NSD1: variants seen among roughly 807,000 people sequenced by gnomAD.
NSD1 encodes the protein histone-lysine N-methyltransferase, H3 lysine-36 specific.
NSD1 carries 26 observed loss-of-function variants against 242.7 expected under a neutral mutation model. That is an observed-to-expected ratio of 0.11 (90% confidence interval 0.08 to 0.15). The LOEUF (loss-of-function observed/expected upper bound fraction) is 0.15. Ranked by LOEUF, NSD1 falls within the 10% of genes least tolerant of loss-of-function variation. NSD1 has a pLI of 1.00. For missense variants in NSD1, 2,495 were observed against 3,272.8 expected, an observed-to-expected ratio of 0.76 and a Z score of 5.80; for synonymous variants, 1,106 against 1,178.1, an observed-to-expected ratio of 0.94 and a Z score of 1.25.
At chr5:177,223,931 A>G (rs1190092693) in intron 5 of NSD1, among the ~76,000 whole-genome samples, 1 of 152,250 alleles carries the variant, frequency 6.6e-6, no homozygotes, top group Non-Finnish European at 1.5e-5. Context: ...GGTTACAATG[A>G]GCTGAGATCA....
At chr5:177,283,477 C>T (rs1759057844) in intron 19 of NSD1, among the ~76,000 whole-genome samples, 1 of 152,178 alleles carries the variant, frequency 6.6e-6, no homozygotes, top group Admixed American at 6.5e-5. Flanking sequence ...GGGCAGTGGT[C>T]CTCAAACTTC....
At chr5:177,161,680 C>CTTTTTTTTTTTTTTT (rs57657595) in intron 2 of NSD1, among the ~76,000 whole-genome samples, 11 of 135,232 alleles carry the variant, frequency 8.1e-5, no homozygotes, top group Non-Finnish European at 1.4e-4. Flanking sequence ...TTCTTTCTTT[C>CTTTTTTTTTTTTTTT]TTTTTTTTTT....
intron 3 of NSD1, among the ~76,000 whole-genome samples, chr5:177,197,907 A>T (rs1762225345): frequency 6.6e-6 from 1 of 152,178 alleles, no homozygotes; most frequent in Non-Finnish European, 1.5e-5. Context: ...GATTGGACTG[A>T]TTTGAGGCAA....
Position 177,254,033 on chromosome 5 carries a change from C to T in NSD1, c.4765+2180C>T, listed in dbSNP as rs182125660. Among the ~76,000 whole-genome samples, 23 of 152,224 alleles carry T rather than the reference C, an allele frequency of 1.5e-4. No individual in the cohort carries two copies. In the East Asian group the frequency reaches 3.5e-3, roughly 23 times the overall value. On this transcript the variant is annotated intron_variant, in intron 12 of 22. Transcript: ENST00000439151. ...GCAATGGCGCAGTCTCGGCAACCTC[C>T]GCCTCCTGGGTTCAAGCAAGTCTCC...
chr5:177,213,235 A>G (rs1452140115), intron 5 of NSD1, among the ~76,000 whole-genome samples: 3 of 152,212 alleles, frequency 2.0e-5, no homozygotes, highest in Non-Finnish European at 4.4e-5. Flanking sequence ...TCTTTTTTAC[A>G]GCAATATCCA....
At position 177,292,086 on chromosome 5, in the gene NSD1, G is replaced by A. The variant is rs778896589; in HGVS notation, c.6391G>A (p.Val2131Ile). ...TAGTTGTGGGGATGCTGGCCAGCTCGTCTCCTGCAAGAAACCAGGCTGCCC... is the reference window on the plus strand; with the variant it reads ...TAGTTGTGGGGATGCTGGCCAGCTCATCTCCTGCAAGAAACCAGGCTGCCC... ...CFSCGDAGQL[V>I]SCKKPGCPKV... The change falls in exon 22 of 23, where the codon GTC (valine) becomes ATC (isoleucine). Residue 2131 changes from valine (V) to isoleucine (I), a missense_variant. By Grantham distance (29) the Val-to-Ile change is conservative. Coordinates refer to ENST00000439151, the MANE Select transcript of NSD1 (RefSeq NM_022455.5). 13 of 1,614,052 alleles carry A rather than the reference G, an allele frequency of 8.1e-6. No homozygotes were observed. Among genetic ancestry groups the A allele is most frequent in the Admixed American group, 5.0e-5 (3 of 60,000 alleles).
intron 14 of NSD1, among the ~76,000 whole-genome samples, chr5:177,263,732 A>AT (rs1757178030): frequency 6.6e-6 from 1 of 152,192 alleles, no homozygotes; most frequent in African/African-American, 2.4e-5. Context: ...ACCGTTTTTA[A>AT]TTGTAAGAGT....
chr5:177,207,184 C>T (rs1353263171), intron 4 of NSD1, among the ~76,000 whole-genome samples: 1 of 152,062 alleles, frequency 6.6e-6, no homozygotes, highest in Non-Finnish European at 1.5e-5. Context: ...TGACCCCCCG[C>T]CATCCCCCCG....
At chr5:177,262,195 C>T (rs1200079754) in intron 14 of NSD1, among the ~76,000 whole-genome samples, 2 of 152,182 alleles carry the variant, frequency 1.3e-5, no homozygotes, top group South Asian at 2.1e-4. Flanking sequence ...CTGCAGCCTG[C>T]CTCATTTTGT....
rs181589284 is a variant in NSD1 at position 177,199,731 on chromosome 5, C to G, written c.1064-4389C>G. Among the ~76,000 whole-genome samples, 36 of 152,120 alleles carry G rather than the reference C, an allele frequency of 2.4e-4. No homozygotes were observed. In the East Asian group the frequency reaches 6.6e-3, roughly 28 times the overall value. On this transcript the variant is annotated intron_variant, in intron 3 of 22. Transcript: ENST00000439151. Reference sequence around the variant, plus strand: ...TCTCCTGCCTCAACCTCCTGAGTAGCTGGGATTACAGGCACCTGCCACCAC... The same window carrying G: ...TCTCCTGCCTCAACCTCCTGAGTAGGTGGGATTACAGGCACCTGCCACCAC...
chr5:177,204,091 A>G (rs1762704340), intron 3 of NSD1, 29 bp from the exon 4 acceptor site: 1 of 1,606,964 alleles, frequency 6.2e-7, no homozygotes, highest in Non-Finnish European at 8.5e-7. Context: ...CTTTGATCTA[A>G]TGATTCTGGT....
intron 14 of NSD1, chr5:177,266,605 T>C (rs1484062295): frequency 6.3e-6 from 4 of 635,024 alleles, no homozygotes; most frequent in Admixed American, 6.5e-5. Flanking sequence ...CCGCACCTAC[T>C]CCTCTTCCGG....
chr5:177,235,782 G>T (rs1386982160), intron 5 of NSD1, 39 bp from the exon 6 acceptor site: 4 of 1,613,518 alleles, frequency 2.5e-6, no homozygotes, highest in Non-Finnish European at 3.4e-6. Context: ...TTTTCCTGAA[G>T]CTTTTTGATT....
rs1763314126 is a variant in NSD1 at position 177,211,259 on chromosome 5, A to G, written c.2860A>G (p.Lys954Glu). 3 of 1,614,028 alleles carry G rather than the reference A, an allele frequency of 1.9e-6. No individual in the cohort carries two copies. Among genetic ancestry groups the G allele is most frequent in the South Asian group, 1.1e-5 (1 of 91,066 alleles). ...TACTAATAGTCCTGTAGGAGTCTCT[A>G]AGGTTTTGGTTTCAGGAGGCTCCAC... ...CSTNSPVGVS[K>E]VLVSGGSTHN... Residue 954 changes from lysine to glutamate, a missense_variant, in exon 5 of 23, where the codon AAG (lysine) becomes GAG (glutamate). Lys to Glu is a moderately conservative substitution (Grantham distance 56, BLOSUM62 1). This residue lies in a region of NSD1 where 121 missense variants were observed against 167.2 expected (regional missense o/e 0.72). Coordinates refer to ENST00000439151, the MANE Select transcript of NSD1 (RefSeq NM_022455.5).
chr5:177,210,745 C>T lies in NSD1; in HGVS notation c.2346C>T (p.Ser782=). The change falls in exon 5 of 23, where the codon AGC becomes AGT. Residue 782 remains serine (S), a synonymous_variant. Transcript: ENST00000439151. ...ATCAAGCTCTATTACATTCGAAAAGCAAACAGCCCAAGTTCCGAAGTATAA... is the reference window on the plus strand; with the variant it reads ...ATCAAGCTCTATTACATTCGAAAAGTAAACAGCCCAAGTTCCGAAGTATAA... ...AANQALLHSK[S]KQPKFRSIKC... is the part of the protein sequence containing the mutation. The T allele has an allele frequency of 1.2e-6, 2 of 1,614,174 alleles. No homozygotes were observed. Among genetic ancestry groups the T allele is most frequent in the South Asian group, 2.2e-5 (2 of 91,082 alleles).
intron 6 of NSD1, among the ~76,000 whole-genome samples, chr5:177,236,356 T>G (rs1765435007): frequency 6.6e-6 from 1 of 152,198 alleles, no homozygotes; most frequent in Non-Finnish European, 1.5e-5. Context: ...CATAGTTTAA[T>G]ATGTAGTTAA....
rs549111664 is a variant in NSD1 at position 177,295,253 on chromosome 5, A to G, written c.7885A>G (p.Lys2629Glu). 1.2e-6 allele frequency: 2 copies of G among 1,614,248 alleles called. No homozygotes were observed. The highest frequency in any genetic ancestry group is 2.2e-5 in the South Asian group (2 of 91,088). ...TTEQSPWALG[K>E]ASSRAGLWPI... ...AGAGCAAAGTCCCTGGGCCCTGGGA[A>G]AAGCCTCATCACGGGCAGGGCTCTG... is the stretch of plus-strand genomic sequence containing the variant. Residue 2629 changes from lysine to glutamate, a missense_variant, in exon 23 of 23, where the codon AAA (lysine) becomes GAA (glutamate). Lys to Glu is a moderately conservative substitution (Grantham distance 56). This residue lies in a region of NSD1 where 475 missense variants were observed against 563.7 expected (regional missense o/e 0.84). Coordinates refer to ENST00000439151, the MANE Select transcript of NSD1 (RefSeq NM_022455.5). This position sits in a 1 kb window ranked among gnomAD's most constrained non-coding sequence, Gnocchi z 4.3.
At chr5:177,248,528 A>G (rs563764097) in intron 11 of NSD1, among the ~76,000 whole-genome samples, 3 of 152,256 alleles carry the variant, frequency 2.0e-5, no homozygotes, top group African/African-American at 7.2e-5. Context: ...TTGGTGAACC[A>G]CGTGCCCTTA....
chr5:177,201,011 C>T (rs1325727929), intron 3 of NSD1, among the ~76,000 whole-genome samples: 1 of 151,616 alleles, frequency 6.6e-6, no homozygotes, highest in Non-Finnish European at 1.5e-5. Flanking sequence ...ATTCTCTTGC[C>T]TCAGTTGGGA....
Sources: allele counts gnomAD v4.1 joint callset (sites outside exome capture counted in the v4.1 genomes callset), GRCh38; gene constraint gnomAD v4.1.1; regional missense constraint gnomAD v4.1.1; non-coding constraint Gnocchi (gnomAD v3.1); transcripts MANE v1.5; gene names NCBI Gene and HGNC (gene_info 2026-07-23, HGNC 2026-07-21).